The following CCSER1 variants were observed in gnomAD, a reference collection of about 807,000 sequenced individuals.
The protein encoded by CCSER1 is serine-rich coiled-coil domain-containing protein 1.
A neutral mutation model predicts 82.0 loss-of-function variants in CCSER1; 41 were observed. The observed-to-expected ratio is 0.50, with a 90% CI of 0.39 to 0.65. The LOEUF (loss-of-function observed/expected upper bound fraction) is 0.65. CCSER1 is among the 30% of genes least tolerant of loss of function. The pLI, the probability that CCSER1 is intolerant of heterozygous loss-of-function variation, is 0.00. For synonymous variants in CCSER1, 414 were observed against 383.9 expected (o/e 1.08, Z -0.92); for missense variants, 1,119 against 1,064.2 (o/e 1.05, Z -0.72).
At chr4:90,603,990 G>A (rs1002776778) in intron 5 of CCSER1, among the ~76,000 whole-genome samples, 2 of 151,874 alleles carry the variant, frequency 1.3e-5, no homozygotes, top group African/African-American at 2.4e-5. Context: ...TTGAACCATC[G>A]AGAAAGAAAG....
intron 7 of CCSER1, among the ~76,000 whole-genome samples, chr4:90,750,947 C>G (rs562061492): frequency 5.3e-5 from 8 of 151,896 alleles, no homozygotes; most frequent in Non-Finnish European, 7.4e-5. Context: ...TTAATTAAAC[C>G]CTGTCTATTA....
At chr4:90,457,571 C>T (rs192386308) in intron 4 of CCSER1, among the ~76,000 whole-genome samples, 1 of 152,182 alleles carries the variant, frequency 6.6e-6, no homozygotes, top group East Asian at 1.9e-4. Context: ...GTCTGTTCAG[C>T]TCTCAGCTGA....
In CCSER1 at chr4:90,800,732, G is replaced by A. The variant is rs1756693699; in HGVS notation, c.2011-15030G>A. 3.8e-5 allele frequency among the ~76,000 whole-genome samples: 5 copies of A among 132,616 alleles called. No individual in the cohort carries two copies. The South Asian group carries it at 1.1e-3, about 30-fold the overall frequency. The allele number at this position is 132,616 out of a possible 152,430, so 87.0% of individuals were successfully genotyped here. On this transcript the variant is annotated intron_variant, in intron 7 of 10. Coordinates refer to ENST00000509176, the MANE Select transcript of CCSER1 (RefSeq NM_001145065.2). ...AATCGATTTTTAATGAAACCCATGGGTTTTAGGAGATCAGAAAACTAATTT... is the reference window on the plus strand; with the variant it reads ...AATCGATTTTTAATGAAACCCATGGATTTTAGGAGATCAGAAAACTAATTT...
At chr4:90,654,763 G>T (rs970041473) in intron 6 of CCSER1, among the ~76,000 whole-genome samples, 17 of 151,998 alleles carry the variant, frequency 1.1e-4, no homozygotes, top group African/African-American at 4.1e-4. Flanking sequence ...TTCTTTGGAG[G>T]CCTATTGCCC....
At chr4:90,451,892 T>C (rs2153578699) in intron 4 of CCSER1, among the ~76,000 whole-genome samples, 1 of 152,314 alleles carries the variant, frequency 6.6e-6, no homozygotes, top group East Asian at 1.9e-4. Context: ...AATCTGTTAA[T>C]TTCCTGATGA....
intron 10 of CCSER1, among the ~76,000 whole-genome samples, chr4:91,323,486 T>A (rs1463111338): frequency 6.6e-6 from 1 of 152,162 alleles, no homozygotes; most frequent in African/African-American, 2.4e-5. Context: ...ATTGAACTTT[T>A]GCTTATGAAT....
At chr4:90,275,308 T>C (rs1016933856) in intron 1 of CCSER1, among the ~76,000 whole-genome samples, 1 of 152,128 alleles carries the variant, frequency 6.6e-6, no homozygotes, top group Non-Finnish European at 1.5e-5. Context: ...AATGTGTCTT[T>C]TAAGCAATTA....
intron 1 of CCSER1, among the ~76,000 whole-genome samples, chr4:90,262,459 A>G (rs1724506616): frequency 1.3e-5 from 2 of 152,094 alleles, no homozygotes; most frequent in African/African-American, 4.8e-5. Context: ...AAAAGCAAGG[A>G]TCTCTTGAAG....
intron 10 of CCSER1, among the ~76,000 whole-genome samples, chr4:91,453,001 A>G (rs922476462): frequency 2.0e-5 from 3 of 152,030 alleles, no homozygotes; most frequent in Non-Finnish European, 4.4e-5. Context: ...AAATATTTGT[A>G]TTACTCTCTT....
chr4:90,931,967 C>T (rs1199454175), intron 9 of CCSER1, among the ~76,000 whole-genome samples: 1 of 151,888 alleles, frequency 6.6e-6, no homozygotes, highest in Non-Finnish European at 1.5e-5. Flanking sequence ...TATAAAAAGC[C>T]ATAGAGAGCT....
chr4:90,230,445 C>A (rs1261119787), intron 1 of CCSER1, among the ~76,000 whole-genome samples: 1 of 151,066 alleles, frequency 6.6e-6, no homozygotes, highest in Non-Finnish European at 1.5e-5. Flanking sequence ...CACAACATAC[C>A]AGAATCTCTG....
chr4:90,772,789 T>C (rs1168089452), intron 7 of CCSER1, among the ~76,000 whole-genome samples: 2 of 152,232 alleles, frequency 1.3e-5, no homozygotes. Context: ...TTATCTATTA[T>C]GTGTCTTTTC....
intron 5 of CCSER1, among the ~76,000 whole-genome samples, chr4:90,564,160 T>G (rs979293956): frequency 6.6e-6 from 1 of 152,212 alleles, no homozygotes; most frequent in Admixed American, 6.5e-5. Flanking sequence ...TATACTCATT[T>G]ATTTATTTAA....
At chr4:90,655,403 T>C (rs1729525755) in intron 6 of CCSER1, among the ~76,000 whole-genome samples, 4 of 152,044 alleles carry the variant, frequency 2.6e-5, no homozygotes, top group Admixed American at 2.6e-4. Context: ...CTTTTGATAG[T>C]TATTTATTGC....
intron 7 of CCSER1, among the ~76,000 whole-genome samples, chr4:90,725,290 T>C (rs953408147): frequency 6.6e-6 from 1 of 151,666 alleles, no homozygotes; most frequent in Non-Finnish European, 1.5e-5. Context: ...TGAAAATTAA[T>C]GTATTTTTTA....
At chr4:90,185,829 G>A (rs1237804349) in intron 1 of CCSER1, among the ~76,000 whole-genome samples, 1 of 151,954 alleles carries the variant, frequency 6.6e-6, no homozygotes, top group African/African-American at 2.4e-5. Context: ...AGGAAGTGAG[G>A]CATTATTATC....
chr4:91,199,336 A>G (rs1310386031), intron 10 of CCSER1, among the ~76,000 whole-genome samples: 1 of 152,160 alleles, frequency 6.6e-6, no homozygotes, highest in African/African-American at 2.4e-5. Context: ...ACAGGGAGCA[A>G]AATTTAAGTA....
intron 6 of CCSER1, among the ~76,000 whole-genome samples, chr4:90,629,996 T>C (rs1212288247): frequency 3.3e-5 from 5 of 152,236 alleles, no homozygotes; most frequent in Non-Finnish European, 7.4e-5. Flanking sequence ...GATTCATTTA[T>C]GTCATTTTGG....
At chr4:91,150,574 G>A (rs569999992) in intron 10 of CCSER1, among the ~76,000 whole-genome samples, 25 of 152,244 alleles carry the variant, frequency 1.6e-4, no homozygotes, top group African/African-American at 6.0e-4. Flanking sequence ...TTCAAAGGGA[G>A]TGATTCCAGT....
Sources: allele counts gnomAD v4.1 joint callset (sites outside exome capture counted in the v4.1 genomes callset), GRCh38; gene constraint gnomAD v4.1.1; transcripts MANE v1.5; gene names NCBI Gene and HGNC (gene_info 2026-07-23, HGNC 2026-07-21).